Variants in FRMD4B observed in about 807,000 individuals in gnomAD.
FRMD4B encodes FERM domain containing 4B, also known as FERM domain-containing protein 4B.
A neutral mutation model predicts 141.5 loss-of-function variants in FRMD4B; 74 were observed. The observed-to-expected ratio is 0.52, with a 90% CI of 0.43 to 0.63. FRMD4B has a LOEUF of 0.63. FRMD4B is among the 30% of genes least tolerant of loss of function. The probability of loss-of-function intolerance (pLI) is 0.00; values close to 1 mark genes in which losing one functional copy is unlikely to be tolerated. For synonymous variants in FRMD4B, 506 were observed against 467.9 expected, an observed-to-expected ratio of 1.08 and a Z score of -1.05; for missense variants, 1,366 against 1,253.4, an observed-to-expected ratio of 1.09 and a Z score of -1.36.
chr3:69,519,452 AGGAATCCCCCT>A (rs1452432955), intron 1 of FRMD4B, among the ~76,000 whole-genome samples: 1 of 152,130 alleles, frequency 6.6e-6, no homozygotes, highest in African/African-American at 2.4e-5. Flanking sequence ...ACCAATAACC[AGGAATCCCCCT>A]GTTGGAAAGC....
At chr3:69,439,781 G>C (rs1705315881) in intron 1 of FRMD4B, among the ~76,000 whole-genome samples, 1 of 152,156 alleles carries the variant, frequency 6.6e-6, no homozygotes, top group Non-Finnish European at 1.5e-5. Context: ...ATTGTGACGG[G>C]CATAAAATGC....
intron 1 of FRMD4B, among the ~76,000 whole-genome samples, chr3:69,506,446 A>T (rs1243457437): frequency 6.6e-6 from 1 of 152,214 alleles, no homozygotes; most frequent in African/African-American, 2.4e-5. Flanking sequence ...TAAAAAAAAA[A>T]AAATCTTATT....
intron 1 of FRMD4B, among the ~76,000 whole-genome samples, chr3:69,359,007 A>C (rs1703400116): frequency 6.6e-6 from 1 of 152,092 alleles, no homozygotes; most frequent in South Asian, 2.1e-4. Flanking sequence ...TTTCTTTATA[A>C]ATTACCCAGT....
At chr3:69,336,771 T>A (rs1702566835) in intron 1 of FRMD4B, among the ~76,000 whole-genome samples, 1 of 152,028 alleles carries the variant, frequency 6.6e-6, no homozygotes, top group African/African-American at 2.4e-5. Flanking sequence ...AGAGAAACCC[T>A]ATCTCTACTA....
chr3:69,327,200 C>T (rs1249748890), intron 1 of FRMD4B, among the ~76,000 whole-genome samples: 1 of 152,158 alleles, frequency 6.6e-6, no homozygotes, highest in African/African-American at 2.4e-5. Context: ...AAACTTTTTG[C>T]TTTGCCAACT....
chr3:69,271,166 T>G (rs768999541), intron 5 of FRMD4B, among the ~76,000 whole-genome samples: 17 of 152,230 alleles, frequency 1.1e-4, no homozygotes, highest in Non-Finnish European at 2.5e-4. Flanking sequence ...TTTAGGATAA[T>G]TCATATTAAA....
At chr3:69,330,340 C>T (rs1289533792) in intron 1 of FRMD4B, among the ~76,000 whole-genome samples, 1 of 42,926 alleles carries the variant, frequency 2.3e-5, no homozygotes, top group African/African-American at 1.2e-4. Context: ...ATTCTTTTGC[C>T]TTTTTTTTTT....
chr3:69,262,275 G>A (rs970682463), intron 5 of FRMD4B, among the ~76,000 whole-genome samples: 1 of 151,772 alleles, frequency 6.6e-6, no homozygotes, highest in African/African-American at 2.4e-5. Flanking sequence ...CTTATAAGTT[G>A]GTTTGGATCA....
chr3:69,529,956 C>G lies in FRMD4B; in HGVS notation c.-129+12250G>C, dbSNP rs549955046. Among the ~76,000 whole-genome samples, 6 of 152,320 alleles carry G rather than the reference C, an allele frequency of 3.9e-5. No individual in the cohort carries two copies. The South Asian group carries it at 1.0e-3, about 26-fold the overall frequency. On this transcript the variant is annotated intron_variant, in intron 1 of 5. Coordinates refer to the FRMD4B transcript ENST00000459638. ...TTGACACTGACACTCAATCACCTAC[C>G]TATTTAGACTTTTAGAATACCCTGA...
At chr3:69,526,394 A>G (rs1700931197) in intron 1 of FRMD4B, among the ~76,000 whole-genome samples, 2 of 152,136 alleles carry the variant, frequency 1.3e-5, no homozygotes, top group South Asian at 4.1e-4. Context: ...TGCCTGACTG[A>G]TGTTTCCCAG....
chr3:69,386,806 C>T (rs1429618844), upstream of FRMD4B, among the ~76,000 whole-genome samples: 1 of 151,722 alleles, frequency 6.6e-6, no homozygotes, highest in African/African-American at 2.4e-5. Flanking sequence ...AATACCAATG[C>T]AGCAGTCAGG....
chr3:69,282,092 T>A (rs896174702), intron 5 of FRMD4B, among the ~76,000 whole-genome samples: 3 of 152,212 alleles, frequency 2.0e-5, no homozygotes, highest in Non-Finnish European at 4.4e-5. Context: ...TATGTAGCTG[T>A]GCAGAGCTTC....
chr3:69,404,676 G>A (rs1293496238), intron 2 of FRMD4B, among the ~76,000 whole-genome samples: 1 of 152,150 alleles, frequency 6.6e-6, no homozygotes. Flanking sequence ...TTGGTACTGG[G>A]TGGAGTTGGG....
intron 1 of FRMD4B, among the ~76,000 whole-genome samples, chr3:69,467,893 T>A (rs1705821023): frequency 6.6e-6 from 1 of 151,794 alleles, no homozygotes; most frequent in Admixed American, 6.6e-5. Flanking sequence ...GAAATAGGAG[T>A]CAGCCAGGAA....
intron 5 of FRMD4B, among the ~76,000 whole-genome samples, chr3:69,260,044 T>G (rs1317829505): frequency 6.6e-6 from 1 of 152,222 alleles, no homozygotes; most frequent in East Asian, 1.9e-4. Context: ...TATTCAGTAT[T>G]TTACATTTTG....
chr3:69,516,917 T>C (rs867096523), intron 1 of FRMD4B, among the ~76,000 whole-genome samples: 20 of 152,220 alleles, frequency 1.3e-4, no homozygotes, highest in Middle Eastern at 3.2e-3. Flanking sequence ...ATAACCTTTC[T>C]TAACATCTCT....
chr3:69,271,990 AAAATAAAAT>A (rs2093596613), intron 5 of FRMD4B, among the ~76,000 whole-genome samples: 1 of 152,114 alleles, frequency 6.6e-6, no homozygotes. Flanking sequence ...AATAAAAAAT[AAAATAAAAT>A]AAATAAAATA....
chr3:69,476,837 C>T (rs971120941), intron 1 of FRMD4B, among the ~76,000 whole-genome samples: 5 of 152,158 alleles, frequency 3.3e-5, no homozygotes, highest in Admixed American at 6.5e-5. Context: ...TACCCATAAG[C>T]ATGGAATGTT....
At position 69,299,868 on chromosome 3, in the gene FRMD4B, T is replaced by A. The variant is rs561411592; in HGVS notation, c.416+2475A>T. 7.9e-5 allele frequency among the ~76,000 whole-genome samples: 12 copies of A among 152,294 alleles called. No homozygotes were observed. The East Asian group carries it at 1.9e-3, about 24-fold the overall frequency. ...GGGGCTTCTGTGCTCCATGTTCCAGTGCATGCAGCAGTACTGTGCTGACAC... is the reference window on the plus strand; with the variant it reads ...GGGGCTTCTGTGCTCCATGTTCCAGAGCATGCAGCAGTACTGTGCTGACAC... On this transcript the variant is annotated intron_variant, in intron 4 of 22. Transcript: ENST00000398540.
Sources: gnomAD v4.1 joint callset for allele counts (sites outside exome capture counted in the v4.1 genomes callset) on GRCh38, gnomAD v4.1.1 for gene constraint, MANE v1.5 for transcripts, NCBI Gene and HGNC (gene_info 2026-07-23, HGNC 2026-07-21) for gene names.